FAP: variants seen among roughly 807,000 people sequenced by gnomAD.
FAP encodes the protein prolyl endopeptidase FAP.
Under a neutral mutation model 126.5 loss-of-function variants are expected in FAP, and 110 were observed. The observed-to-expected ratio is 0.87, with a 90% CI of 0.74 to 1.02. The LOEUF is 1.02. Ranked by LOEUF, FAP falls within the 50% of genes least tolerant of loss-of-function variation. The pLI is 0.00. For missense variants in FAP, 919 were observed against 909.2 expected, an observed-to-expected ratio of 1.01 and a Z score of -0.14; for synonymous variants, 334 against 297.3, an observed-to-expected ratio of 1.12 and a Z score of -1.27.
intron 14 of FAP, among the ~76,000 whole-genome samples, chr2:162,201,389 T>C (rs920841469): frequency 5.9e-5 from 9 of 152,322 alleles, no homozygotes; most frequent in Admixed American, 1.3e-4. Context: ...GGAATACAAC[T>C]CGTTTTTAGC....
chr2:162,219,821 T>C, intron 7 of FAP, 32 bp downstream of exon 7: 1 of 1,464,580 alleles, frequency 6.8e-7, no homozygotes, highest in Non-Finnish European at 9.5e-7. Context: ...TTTATTTACA[T>C]GATTAAACAC....
chr2:162,191,446 C>A (rs1199363036), intron 17 of FAP, among the ~76,000 whole-genome samples: 2 of 152,010 alleles, frequency 1.3e-5, no homozygotes, highest in Admixed American at 6.6e-5. Flanking sequence ...TAAGGCTGTG[C>A]ATTAAAAACC....
At chr2:162,217,927 A>C (rs1689216532) in intron 9 of FAP, 59 bp downstream of exon 9, 1 of 1,378,352 alleles carries the variant, frequency 7.3e-7, no homozygotes. Flanking sequence ...ACTCATGGTA[A>C]ATCATTGCTC....
At position 162,198,821 on chromosome 2, in the gene FAP, T is replaced by G. The variant is rs1261550936; in HGVS notation, c.1338A>C (p.Glu446Asp). The G allele has an allele frequency of 6.2e-7, 1 of 1,614,056 alleles. No homozygotes were observed. The highest frequency in any genetic ancestry group is 8.5e-7 in the Non-Finnish European group (1 of 1,179,898). ...KKCVTCHLRK[E>D]RCQYYTASFS... The stretch of plus-strand genomic sequence containing the variant: ...AACTTGCTGTGTAATATTGGCACCT[T>G]TCTTTCCTTAGATGGCAAGTAACAC... The change falls in exon 16 of 26, where the codon GAA becomes GAC. Residue 446 changes from glutamate to aspartate, a missense_variant. Transcript: ENST00000188790.
chr2:162,209,839 CT>C (rs1333757047), intron 12 of FAP, 112 bp downstream of exon 12: 2 of 922,472 alleles, frequency 2.2e-6, no homozygotes, highest in Admixed American at 1.9e-5. Flanking sequence ...TACCTTGCTA[CT>C]TTTTCTATGA....
intron 2 of FAP, among the ~76,000 whole-genome samples, chr2:162,226,826 G>A (rs1209873104): frequency 6.6e-6 from 1 of 152,064 alleles, no homozygotes; most frequent in South Asian, 2.1e-4. Flanking sequence ...AATTAGGGAG[G>A]TAGTTTCACT....
chr2:162,200,826 G>A (rs1487284334), intron 14 of FAP, among the ~76,000 whole-genome samples: 5 of 152,078 alleles, frequency 3.3e-5, no homozygotes, highest in Non-Finnish European at 7.4e-5. Flanking sequence ...ATTAAATTAT[G>A]CTGAATACTG....
Position 162,219,877 on chromosome 2 carries a change from G to C in FAP, c.462C>G (p.Cys154Trp). The change falls in exon 7 of 26, where the codon TGC becomes TGG. Residue 154 changes from cysteine to tryptophan, a missense_variant. By Grantham distance (215) the Cys-to-Trp change is radical. Coordinates refer to ENST00000188790, the MANE Select transcript of FAP (RefSeq NM_004460.5). Reference protein sequence around the residue: ...NELPRPIQYLCWSPVGSKLAY... With the variant: ...NELPRPIQYLWWSPVGSKLAY... ...CTAATTTACTCCCAACAGGCGACCA[G>C]CATAAATACTGAATTGGACGAGGAA... 1 of 1,611,734 alleles carries C rather than the reference G, an allele frequency of 6.2e-7. No individual in the cohort carries two copies.
chr2:162,214,106 C>T lies in FAP; in HGVS notation c.867-33G>A, dbSNP rs754376444. 1.9e-6 allele frequency: 3 copies of T among 1,607,888 alleles called. No homozygotes were observed. The African/African-American group carries it at 4.0e-5, about 22-fold the overall frequency. The stretch of plus-strand genomic sequence containing the variant: ...TAAAATAGAAACAGGTAGTCACAAC[C>T]ATAAACCAGTTTCACACACAAATAA... On this transcript the variant is annotated intron_variant, in intron 10 of 25. Transcript: ENST00000188790.
In FAP at chr2:162,200,558, T is replaced by C; in HGVS notation, c.1277+8A>G. On this transcript the variant is annotated splice_region_variant and intron_variant, in intron 15 of 25. Transcript: ENST00000188790. The stretch of plus-strand genomic sequence containing the variant: ...ATAGAAATACCAGAATGAATGGACA[T>C]AAATTACCTGTAGATGTTTCTTCTT... The C allele has an allele frequency of 1.4e-6, 2 of 1,465,868 alleles. No homozygotes were observed. Among genetic ancestry groups the C allele is most frequent in the East Asian group, 2.3e-5 (1 of 43,388 alleles). 90.8% of individuals were successfully genotyped at this position (1,465,868 alleles called of 1,614,324 possible).
intron 23 of FAP, 44 bp from the exon 24 acceptor site, chr2:162,173,265 T>A: frequency 6.9e-7 from 1 of 1,440,628 alleles, no homozygotes; most frequent in Non-Finnish European, 9.8e-7. Context: ...CTGCAAGTTC[T>A]AATAGAAAAC....
At chr2:162,201,351 T>C (rs1688492842) in intron 14 of FAP, among the ~76,000 whole-genome samples, 1 of 152,150 alleles carries the variant, frequency 6.6e-6, no homozygotes, top group South Asian at 2.1e-4. Context: ...GAAAATCTTA[T>C]TAGCACCAAG....
At chr2:162,191,369 T>C (rs1294972904) in intron 17 of FAP, among the ~76,000 whole-genome samples, 1 of 152,076 alleles carries the variant, frequency 6.6e-6, no homozygotes, top group Admixed American at 6.6e-5. Context: ...TTTCCACCTC[T>C]TGGAGCACAA....
intron 2 of FAP, among the ~76,000 whole-genome samples, chr2:162,231,363 A>C (rs1342576402): frequency 6.6e-6 from 1 of 152,240 alleles, no homozygotes; most frequent in Non-Finnish European, 1.5e-5. Flanking sequence ...TTTTAATATT[A>C]AATGTAATTA....
chr2:162,224,174 A>T (rs1043513870), intron 5 of FAP, among the ~76,000 whole-genome samples: 3 of 152,112 alleles, frequency 2.0e-5, no homozygotes, highest in Non-Finnish European at 2.9e-5. Context: ...AATAAATAAG[A>T]ATATTTAGCT....
intron 11 of FAP, among the ~76,000 whole-genome samples, chr2:162,213,571 G>A (rs1238456758): frequency 6.6e-6 from 1 of 151,422 alleles, no homozygotes; most frequent in East Asian, 1.9e-4. Context: ...TATTTATCTA[G>A]TAGACCCATG....
At chr2:162,233,510 A>G (rs376254873) in intron 2 of FAP, among the ~76,000 whole-genome samples, 14 of 152,230 alleles carry the variant, frequency 9.2e-5, no homozygotes, top group African/African-American at 3.1e-4. Flanking sequence ...CTTATTAGTC[A>G]TTTGTATATC....
intron 11 of FAP, among the ~76,000 whole-genome samples, chr2:162,212,726 G>GT (rs1271677914): frequency 6.6e-6 from 1 of 151,982 alleles, no homozygotes; most frequent in Non-Finnish European, 1.5e-5. Flanking sequence ...TTCTATATTT[G>GT]TTTTAATGAA....
chr2:162,181,037 G>A lies in FAP; in HGVS notation c.1869+2377C>T, dbSNP rs146683172. ...TGCCTGTAATCCCAGCATTTTGGGA[G>A]GCTGAGGTAAGTGAATTGCTTGAGC... On this transcript the variant is annotated intron_variant, in intron 21 of 25. Coordinates refer to ENST00000188790, the MANE Select transcript of FAP (RefSeq NM_004460.5). 4.2e-3 allele frequency among the ~76,000 whole-genome samples: 634 copies of A among 152,314 alleles called. 1 individual carries two copies. The highest frequency in any genetic ancestry group is 6.6e-3 in the Non-Finnish European group (452 of 68,028).
Sources: gnomAD v4.1 joint callset for allele counts (sites outside exome capture counted in the v4.1 genomes callset) on GRCh38, gnomAD v4.1.1 for gene constraint, MANE v1.5 for transcripts, NCBI Gene and HGNC (gene_info 2026-07-23, HGNC 2026-07-21) for gene names.